The following NALCN variants were observed in gnomAD, a reference collection of about 807,000 sequenced individuals.
The protein encoded by NALCN is sodium leak channel, non-selective.
In NALCN, 111 loss-of-function variants were observed where a neutral mutation model predicts 225.3. The observed-to-expected ratio is 0.49, with a 90% CI of 0.42 to 0.58. The LOEUF is 0.58. Ranked by LOEUF, NALCN falls within the 20% of genes least tolerant of loss-of-function variation. NALCN has a pLI of 0.00. For synonymous variants in NALCN, 764 were observed against 769.0 expected (o/e 0.99, Z 0.11); for missense variants, 1,378 against 2,202.4 (o/e 0.63, Z 7.49).
intron 7 of NALCN, among the ~76,000 whole-genome samples, chr13:101,294,478 T>C (rs967733814): frequency 6.6e-6 from 1 of 151,920 alleles, no homozygotes; most frequent in Non-Finnish European, 1.5e-5. Flanking sequence ...ATAAGTATGT[T>C]AAAAAGAGAT....
At chr13:101,228,796 A>AT (rs1467726074) in intron 13 of NALCN, among the ~76,000 whole-genome samples, 1 of 152,088 alleles carries the variant, frequency 6.6e-6, no homozygotes, top group Non-Finnish European at 1.5e-5. Context: ...TGGTCATTGT[A>AT]TTTTTTTATG....
At chr13:101,382,604 AC>A (rs2046882076) in intron 3 of NALCN, among the ~76,000 whole-genome samples, 1 of 152,192 alleles carries the variant, frequency 6.6e-6, no homozygotes, top group African/African-American at 2.4e-5. Context: ...AAACTGGCCC[AC>A]ACTACATTTC....
chr13:101,376,004 G>A (rs1392797898), intron 6 of NALCN, among the ~76,000 whole-genome samples: 1 of 152,028 alleles, frequency 6.6e-6, no homozygotes, highest in Non-Finnish European at 1.5e-5. Context: ...TACATAATAG[G>A]TAATTAAAGT....
chr13:101,361,435 A>G (rs1323697646), intron 6 of NALCN, among the ~76,000 whole-genome samples: 2 of 152,234 alleles, frequency 1.3e-5, no homozygotes, highest in Non-Finnish European at 2.9e-5. Flanking sequence ...CGTCCCACTG[A>G]GAACTTGTCT....
At chr13:101,398,931 G>C in intron 2 of NALCN, 88 bp downstream of exon 2, 1 of 820,048 alleles carries the variant, frequency 1.2e-6, no homozygotes, top group East Asian at 2.6e-5. Flanking sequence ...CAGATATTTC[G>C]AAGCCAAAGG....
At chr13:101,383,487 G>A (rs184959699) in intron 3 of NALCN, among the ~76,000 whole-genome samples, 7 of 152,168 alleles carry the variant, frequency 4.6e-5, no homozygotes, top group East Asian at 1.9e-4. Flanking sequence ...ACTTTAAGTC[G>A]GATAATTTAA....
At chr13:101,181,148 C>G (rs533459112) in intron 14 of NALCN, 2 of 518,722 alleles carry the variant, frequency 3.9e-6, no homozygotes, top group South Asian at 1.4e-5. Flanking sequence ...TCCCAAGCCA[C>G]GCAGATGCCA....
chr13:101,058,115 T>C, intron 42 of NALCN, 59 bp from the exon 43 acceptor site: 6 of 1,439,860 alleles, frequency 4.2e-6, no homozygotes, highest in Non-Finnish European at 4.7e-6. Context: ...CTCCTCCTTT[T>C]ACTATAAGAA....
chr13:101,055,240 G>T lies in NALCN; in HGVS notation c.*55C>A. The T allele has an allele frequency of 7.2e-7, 1 of 1,387,938 alleles. No individual in the cohort carries two copies. The highest frequency in any genetic ancestry group is 1.0e-6 in the Non-Finnish European group (1 of 990,876). 86.0% of individuals were successfully genotyped at this position (1,387,938 alleles called of 1,614,324 possible). On this transcript the variant is annotated 3_prime_UTR_variant, in exon 44 of 44. Transcript: ENST00000251127. ...ACAGATTGCTCACTGGACAATCAAG[G>T]ACATTATTAGAAAACGGTTTCCACC...
intron 30 of NALCN, among the ~76,000 whole-genome samples, chr13:101,086,835 T>A (rs541789095): frequency 6.6e-6 from 1 of 152,294 alleles, no homozygotes; most frequent in East Asian, 1.9e-4. Flanking sequence ...CTTTAGTACA[T>A]CATTTATTCC....
At chr13:101,130,159 T>C (rs2036446292) in intron 17 of NALCN, among the ~76,000 whole-genome samples, 2 of 152,162 alleles carry the variant, frequency 1.3e-5, no homozygotes, top group African/African-American at 4.8e-5. Context: ...TCTCCTTTTT[T>C]CTCCACAAAG....
rs778344856 is a variant in NALCN, at chr13:101,104,416, T to C, written c.2768A>G (p.Tyr923Cys). The C allele has an allele frequency of 1.2e-6, 2 of 1,613,284 alleles. No individual in the cohort carries two copies. The highest frequency in any genetic ancestry group is 1.7e-5 in the Admixed American group (1 of 59,936). Residue 923 changes from tyrosine (Y) to cysteine (C), a missense_variant, in exon 25 of 44, where the codon TAT becomes TGT. Physicochemically the swap from Tyr to Cys is radical, Grantham distance 194. This residue lies in a region of NALCN where 292 missense variants were observed against 409.5 expected (regional missense o/e 0.71). Coordinates refer to ENST00000251127, the MANE Select transcript of NALCN (RefSeq NM_052867.4). This position sits in a 1 kb window ranked among gnomAD's most constrained non-coding sequence, Gnocchi z 4.2. The stretch of plus-strand genomic sequence containing the variant: ...AATGCTCATGAATATCACAAACACA[T>C]ACTCAGCAATCTGAAACGGGCAAAA... ...MHAPTLQIAE[Y>C]VFVIFMSIEL...
intron 3 of NALCN, among the ~76,000 whole-genome samples, chr13:101,383,281 C>A (rs758745282): frequency 3.1e-4 from 47 of 152,196 alleles, no homozygotes; most frequent in Non-Finnish European, 4.6e-4. Flanking sequence ...GCAGAATATG[C>A]CTTTGTAATC....
chr13:101,175,483 T>C (rs1313241539), intron 15 of NALCN, among the ~76,000 whole-genome samples: 2 of 152,216 alleles, frequency 1.3e-5, no homozygotes, highest in Admixed American at 6.5e-5. Context: ...CATGGTTCTG[T>C]TAACATTATA....
At chr13:101,205,042 C>A (rs2040260273) in intron 13 of NALCN, among the ~76,000 whole-genome samples, 1 of 152,060 alleles carries the variant, frequency 6.6e-6, no homozygotes, top group Non-Finnish European at 1.5e-5. Context: ...GCTCAGTATC[C>A]AGGCTGAGAT....
intron 39 of NALCN, among the ~76,000 whole-genome samples, chr13:101,066,129 CA>C (rs962272108): frequency 3.3e-5 from 5 of 151,916 alleles, no homozygotes; most frequent in Admixed American, 3.3e-4. Flanking sequence ...AGTTCGAGAC[CA>C]GCCTGGCCAG....
chr13:101,362,678 A>G (rs1273275996), intron 6 of NALCN, among the ~76,000 whole-genome samples: 2 of 152,104 alleles, frequency 1.3e-5, no homozygotes, highest in African/African-American at 4.8e-5. Context: ...AAGATCTGGA[A>G]CAAGATCAGG....
intron 40 of NALCN, among the ~76,000 whole-genome samples, chr13:101,064,824 G>A (rs1246264427): frequency 6.6e-6 from 1 of 152,150 alleles, no homozygotes; most frequent in Non-Finnish European, 1.5e-5. Context: ...CTAAGTTACA[G>A]TAGCCCAAGG....
At chr13:101,126,533 T>C (rs1262590326) in intron 17 of NALCN, among the ~76,000 whole-genome samples, 1 of 150,800 alleles carries the variant, frequency 6.6e-6, no homozygotes, top group Non-Finnish European at 1.5e-5. Flanking sequence ...TGCTCTGCCA[T>C]CCAGGCTGGA....
Sources: allele counts gnomAD v4.1 joint callset (sites outside exome capture counted in the v4.1 genomes callset), GRCh38; gene constraint gnomAD v4.1.1; regional missense constraint gnomAD v4.1.1; non-coding constraint Gnocchi (gnomAD v3.1); transcripts MANE v1.5; gene names NCBI Gene and HGNC (gene_info 2026-07-23, HGNC 2026-07-21).